SLC9C1: variants seen among roughly 807,000 people sequenced by gnomAD.
SLC9C1 encodes the protein sodium/hydrogen exchanger 10.
In SLC9C1, 97 loss-of-function variants were observed where a neutral mutation model predicts 140.9. That is an observed-to-expected ratio of 0.69 (90% CI 0.58 to 0.82). The LOEUF is 0.82. Among genes scored for constraint, SLC9C1 ranks in the 40% least tolerant of loss-of-function variants. SLC9C1 has a pLI of 0.00. For synonymous variants in SLC9C1, 440 were observed against 442.6 expected (o/e 0.99, Z 0.07); for missense variants, 1,340 against 1,389.3 (o/e 0.96, Z 0.56).
chr3:112,205,842 A>G (rs1196835459), intron 16 of SLC9C1, among the ~76,000 whole-genome samples: 4 of 123,006 alleles, frequency 3.3e-5, no homozygotes, highest in Non-Finnish European at 1.7e-5. Flanking sequence ...CACCTTATAC[A>G]AAAATCAATT....
chr3:112,287,774 A>G (rs1162448881), intron 1 of SLC9C1, among the ~76,000 whole-genome samples: 1 of 152,190 alleles, frequency 6.6e-6, no homozygotes, highest in Non-Finnish European at 1.5e-5. Flanking sequence ...CTGGCCGGGC[A>G]CGGTGGCTCA....
chr3:112,222,642 A>G (rs1455747230), intron 13 of SLC9C1, among the ~76,000 whole-genome samples: 1 of 152,168 alleles, frequency 6.6e-6, no homozygotes, highest in Non-Finnish European at 1.5e-5. Flanking sequence ...CCTTAGTCAC[A>G]TATCATATTA....
chr3:112,242,938 A>G (rs2079177352), intron 11 of SLC9C1, among the ~76,000 whole-genome samples: 1 of 152,216 alleles, frequency 6.6e-6, no homozygotes, highest in Non-Finnish European at 1.5e-5. Flanking sequence ...ACTAATCATA[A>G]AAGAAATGCA....
At chr3:112,167,174 TA>T in intron 26 of SLC9C1, 46 bp downstream of exon 26, 1 of 1,592,106 alleles carries the variant, frequency 6.3e-7, no homozygotes, top group Non-Finnish European at 8.5e-7. Flanking sequence ...GGCTATTTTA[TA>T]AAGGGAAAGT....
intron 11 of SLC9C1, among the ~76,000 whole-genome samples, chr3:112,243,725 C>G (rs1316786013): frequency 6.7e-6 from 1 of 150,310 alleles, no homozygotes; most frequent in Non-Finnish European, 1.5e-5. Context: ...GGGTCTTGCT[C>G]TCTTGCCCAG....
chr3:112,212,793 T>A (rs552317274), intron 15 of SLC9C1, among the ~76,000 whole-genome samples: 1 of 152,262 alleles, frequency 6.6e-6, no homozygotes, highest in African/African-American at 2.4e-5. Flanking sequence ...CAGGATATTA[T>A]CCAGGAGAGA....
At chr3:112,147,817 C>G (rs2074850121) in intron 28 of SLC9C1, among the ~76,000 whole-genome samples, 1 of 152,116 alleles carries the variant, frequency 6.6e-6, no homozygotes, top group African/African-American at 2.4e-5. Flanking sequence ...ACATCTCTAG[C>G]AAGATTAAAG....
At chr3:112,247,899 G>A (rs1035521994) in intron 10 of SLC9C1, among the ~76,000 whole-genome samples, 1 of 143,914 alleles carries the variant, frequency 6.9e-6, no homozygotes, top group Non-Finnish European at 1.5e-5. Flanking sequence ...GTGTGTGTGT[G>A]TATCTCACAC....
intron 26 of SLC9C1, among the ~76,000 whole-genome samples, chr3:112,155,842 A>C (rs1209032338): frequency 2.0e-5 from 3 of 152,124 alleles, no homozygotes; most frequent in African/African-American, 7.2e-5. Context: ...GAATCAAGGT[A>C]TTTTATTTTA....
chr3:112,243,368 A>G (rs2079189251), intron 11 of SLC9C1, among the ~76,000 whole-genome samples: 2 of 152,226 alleles, frequency 1.3e-5, no homozygotes, highest in African/African-American at 4.8e-5. Context: ...TTGCCGCAAC[A>G]TGGATAAAGC....
chr3:112,251,930 C>A (rs890614628), intron 10 of SLC9C1, among the ~76,000 whole-genome samples: 18 of 152,298 alleles, frequency 1.2e-4, no homozygotes, highest in African/African-American at 4.1e-4. Context: ...GGGATCTAAC[C>A]CCCAACCTTG....
At chr3:112,263,964 A>G (rs1462036876) in intron 9 of SLC9C1, among the ~76,000 whole-genome samples, 1 of 151,844 alleles carries the variant, frequency 6.6e-6, no homozygotes, top group African/African-American at 2.4e-5. Flanking sequence ...AAAACATTGG[A>G]CAAAATATGT....
chr3:112,155,560 GAGAAA>G (rs1376442708), intron 26 of SLC9C1, among the ~76,000 whole-genome samples: 2 of 152,138 alleles, frequency 1.3e-5, no homozygotes, highest in Non-Finnish European at 2.9e-5. Context: ...TGGCTGCTTG[GAGAAA>G]AAGCTGAGAT....
chr3:112,207,438 A>G (rs1238079040), intron 16 of SLC9C1, among the ~76,000 whole-genome samples: 3 of 152,214 alleles, frequency 2.0e-5, no homozygotes, highest in Non-Finnish European at 1.5e-5. Flanking sequence ...TATGAATGAC[A>G]GTTGATGTCA....
intron 6 of SLC9C1, among the ~76,000 whole-genome samples, chr3:112,274,308 A>G (rs1191096372): frequency 6.6e-6 from 1 of 152,134 alleles, no homozygotes; most frequent in Non-Finnish European, 1.5e-5. Flanking sequence ...ATATACATAT[A>G]TCATTTATTT....
At chr3:112,287,683 T>C (rs1164256832) in intron 1 of SLC9C1, among the ~76,000 whole-genome samples, 1 of 152,196 alleles carries the variant, frequency 6.6e-6, no homozygotes, top group East Asian at 1.9e-4. Context: ...TATGATTCTA[T>C]CTCTCATAAT....
chr3:112,226,585 G>T (rs1199793915), intron 13 of SLC9C1, among the ~76,000 whole-genome samples: 1 of 152,024 alleles, frequency 6.6e-6, no homozygotes, highest in East Asian at 1.9e-4. Context: ...AGCCAGGTGT[G>T]GTGGCAAGCA....
chr3:112,181,589 A>T (rs1576287508), intron 21 of SLC9C1, among the ~76,000 whole-genome samples: 1 of 152,190 alleles, frequency 6.6e-6, no homozygotes, highest in Non-Finnish European at 1.5e-5. Context: ...TAGGAGGGAG[A>T]CCTAAAGATA....
intron 10 of SLC9C1, among the ~76,000 whole-genome samples, chr3:112,252,611 C>A (rs551030222): frequency 6.6e-6 from 1 of 152,282 alleles, no homozygotes; most frequent in East Asian, 1.9e-4. Context: ...CCAGCCACCC[C>A]TGCTGGTGTT....
Sources: allele counts gnomAD v4.1 joint callset (sites outside exome capture counted in the v4.1 genomes callset), GRCh38; gene constraint gnomAD v4.1.1; transcripts MANE v1.5; gene names NCBI Gene and HGNC (gene_info 2026-07-23, HGNC 2026-07-21).